The following RIPOR2 variants were observed in gnomAD, a reference collection of about 807,000 sequenced individuals.
RIPOR2 encodes rho family-interacting cell polarization regulator 2.
A neutral mutation model predicts 114.5 loss-of-function variants in RIPOR2; 39 were observed. The ratio of observed to expected loss-of-function variants is 0.34; its 90% CI spans 0.26 to 0.44. RIPOR2 has a LOEUF of 0.44. Ranked by LOEUF, RIPOR2 falls within the 20% of genes least tolerant of loss-of-function variation. The pLI, the probability that RIPOR2 is intolerant of heterozygous loss-of-function variation, is 1.00. For synonymous variants in RIPOR2, 445 were observed against 484.4 expected, an observed-to-expected ratio of 0.92 and a Z score of 1.07; for missense variants, 1,007 against 1,255.1, an observed-to-expected ratio of 0.80 and a Z score of 2.99.
Position 24,839,086 on chromosome 6 carries a change from C to T in RIPOR2, c.2039+5G>A. 1 of 1,550,228 alleles carries T rather than the reference C, an allele frequency of 6.5e-7. No homozygotes were observed. The highest frequency in any genetic ancestry group is 8.7e-7 in the Non-Finnish European group (1 of 1,145,868). On this transcript the variant is annotated splice_donor_5th_base_variant and intron_variant, in intron 14 of 21. Coordinates refer to ENST00000643898, the MANE Select transcript of RIPOR2 (RefSeq NM_001286445.3). ...AATATAAGGAGACACTAACTTCAGA[C>T]TTACCTGTGTTTCTCAGTCTCAGTG...
intron 1 of RIPOR2, among the ~76,000 whole-genome samples, chr6:25,011,852 G>A (rs1002207981): frequency 2.6e-5 from 4 of 152,056 alleles, no homozygotes; most frequent in African/African-American, 7.2e-5. Flanking sequence ...CAGTAAAAGC[G>A]TAAGTGACAA....
At chr6:24,823,810 C>A (rs991419671) in intron 19 of RIPOR2, among the ~76,000 whole-genome samples, 2 of 152,070 alleles carry the variant, frequency 1.3e-5, no homozygotes, top group African/African-American at 2.4e-5. Flanking sequence ...CAGCTGGAGT[C>A]CAGTGGCGCA....
At chr6:24,849,195 G>A (rs767110002) in intron 11 of RIPOR2, among the ~76,000 whole-genome samples, 2 of 152,140 alleles carry the variant, frequency 1.3e-5, no homozygotes, top group African/African-American at 2.4e-5. Flanking sequence ...GTGAGCCACC[G>A]CACCTGGAGC....
At position 24,861,049 on chromosome 6, in the gene RIPOR2, C is replaced by CAGGAGACGATCATG. The variant is rs1336869284; in HGVS notation, c.652-27_652-14dup. On this transcript the variant is annotated splice_polypyrimidine_tract_variant and intron_variant, in intron 7 of 21. Coordinates refer to ENST00000643898, the MANE Select transcript of RIPOR2 (RefSeq NM_001286445.3). ...TGGTGCACATATTCTGCAAAGAGGACAGGAGACGATCATGAGAGCTAGCCT... is the reference window on the plus strand; with the variant it reads ...TGGTGCACATATTCTGCAAAGAGGACAGGAGACGATCATGAGGAGACGATCATGAGAGCTAGCCT... The CAGGAGACGATCATG allele has an allele frequency of 6.3e-7, 1 of 1,599,862 alleles. No individual in the cohort carries two copies. Among genetic ancestry groups the CAGGAGACGATCATG allele is most frequent in the Non-Finnish European group, 8.6e-7 (1 of 1,169,032 alleles).
At chr6:25,016,689 G>A (rs1205602093) in intron 1 of RIPOR2, among the ~76,000 whole-genome samples, 1 of 152,172 alleles carries the variant, frequency 6.6e-6, no homozygotes, top group African/African-American at 2.4e-5. Flanking sequence ...TCCCTTAACT[G>A]ATTCATCACT....
intron 1 of RIPOR2, among the ~76,000 whole-genome samples, chr6:24,923,073 T>G (rs1251528271): frequency 6.6e-6 from 1 of 152,096 alleles, no homozygotes; most frequent in African/African-American, 2.4e-5. Flanking sequence ...CACCGTCTAT[T>G]TATTGTTTCT....
chr6:24,920,947 G>C (rs1336616581), intron 1 of RIPOR2, among the ~76,000 whole-genome samples: 1 of 152,160 alleles, frequency 6.6e-6, no homozygotes, highest in African/African-American at 2.4e-5. Flanking sequence ...TCTGGAATAT[G>C]TCAGTAGTCT....
At chr6:24,914,726 G>C (rs527737358) in intron 1 of RIPOR2, among the ~76,000 whole-genome samples, 1 of 152,238 alleles carries the variant, frequency 6.6e-6, no homozygotes, top group East Asian at 1.9e-4. Flanking sequence ...GGTTCTTACT[G>C]CCATCGATCA....
intron 1 of RIPOR2, among the ~76,000 whole-genome samples, chr6:24,916,369 T>G (rs1672656191): frequency 6.6e-6 from 1 of 152,232 alleles, no homozygotes; most frequent in Non-Finnish European, 1.5e-5. Context: ...CTTCCATTTG[T>G]TGTAGCTATT....
In RIPOR2 at chr6:24,828,301, C is replaced by T. The variant is rs144190405; in HGVS notation, c.2507-6G>A. 22,439 of 1,537,212 alleles carry T rather than the reference C, an allele frequency of 0.015. 229 individuals carry two copies. Among genetic ancestry groups the T allele is most frequent in the Middle Eastern group, 0.026 (155 of 5,912 alleles). On this transcript the variant is annotated splice_polypyrimidine_tract_variant and splice_region_variant and intron_variant, in intron 17 of 21. Transcript: ENST00000643898. ...GGACACCAGGGTTCGAAACACTATTCGGAAGGGAAAGACACAAAGCAGCTT... is the reference window on the plus strand; with the variant it reads ...GGACACCAGGGTTCGAAACACTATTTGGAAGGGAAAGACACAAAGCAGCTT...
At chr6:24,921,168 C>CT (rs369103949) in intron 1 of RIPOR2, among the ~76,000 whole-genome samples, 73 of 150,878 alleles carry the variant, frequency 4.8e-4, no homozygotes, top group African/African-American at 1.5e-3. Context: ...CTCTCTCTCT[C>CT]TTTTTTTTTG....
chr6:24,832,165 T>G lies in RIPOR2; in HGVS notation c.2344+91A>C, dbSNP rs1760739294. On this transcript the variant is annotated intron_variant, in intron 16 of 21. Coordinates refer to ENST00000643898, the MANE Select transcript of RIPOR2 (RefSeq NM_001286445.3). The stretch of plus-strand genomic sequence containing the variant: ...GTGACCTAAGAATGCTTTTCTGTTT[T>G]TCCAACAAAGCAATGAACATGCATA... The G allele has an allele frequency of 3.2e-6, 4 of 1,264,432 alleles. No homozygotes were observed. In the East Asian group the frequency reaches 1.0e-4, roughly 33 times the overall value. 78.3% of individuals were successfully genotyped at this position (1,264,432 alleles called of 1,614,324 possible).
intron 1 of RIPOR2, among the ~76,000 whole-genome samples, chr6:24,985,901 C>G (rs1774509887): frequency 6.6e-6 from 1 of 152,042 alleles, no homozygotes; most frequent in Admixed American, 6.6e-5. Context: ...TATAGAAAGA[C>G]TGGAATAAGG....
In RIPOR2 at chr6:25,022,532, A is replaced by ATTTTTTTTTTTTTTTTTTTTTTTTTTT. The variant is rs10564019; in HGVS notation, c.76+19292_76+19318dup. Among the ~76,000 whole-genome samples the ATTTTTTTTTTTTTTTTTTTTTTTTTTT allele has an allele frequency of 4.9e-5, 2 of 40,992 alleles. 1 individual carries two copies. The highest frequency in any genetic ancestry group is 9.7e-5 in the Non-Finnish European group (2 of 20,704). 26.9% of individuals were successfully genotyped at this position (40,992 alleles called of 152,430 possible). On this transcript the variant is annotated intron_variant, in intron 1 of 13. Transcript: ENST00000510784. ...ACATATAACTAATGTGGTACCTTCC[A>ATTTTTTTTTTTTTTTTTTTTTTTTTTT]TTTTTTTTTTTTTTTTTTTTTTTTT...
At chr6:24,928,355 T>C (rs781324754) in intron 1 of RIPOR2, among the ~76,000 whole-genome samples, 2 of 152,232 alleles carry the variant, frequency 1.3e-5, no homozygotes, top group African/African-American at 2.4e-5. Context: ...ATTCTACTAG[T>C]GTATTTTGCT....
intron 1 of RIPOR2, among the ~76,000 whole-genome samples, chr6:24,915,692 C>T (rs1770022144): frequency 1.3e-5 from 2 of 152,130 alleles, no homozygotes; most frequent in South Asian, 4.1e-4. Flanking sequence ...GATTTTCCAG[C>T]TTATGAAGTG....
chr6:24,933,147 T>C (rs1481429398), intron 1 of RIPOR2, among the ~76,000 whole-genome samples: 1 of 152,204 alleles, frequency 6.6e-6, no homozygotes, highest in African/African-American at 2.4e-5. Context: ...TGAAGTTCTG[T>C]AAATAAGTCC....
chr6:24,911,416 C>T (rs1433867526), intron 1 of RIPOR2, among the ~76,000 whole-genome samples: 1 of 151,618 alleles, frequency 6.6e-6, no homozygotes, highest in African/African-American at 2.4e-5. Flanking sequence ...TTCAGCTAAC[C>T]TTTTGGGATC....
chr6:24,899,898 A>G (rs1352991105), intron 1 of RIPOR2, among the ~76,000 whole-genome samples: 5 of 152,206 alleles, frequency 3.3e-5, no homozygotes, highest in African/African-American at 9.7e-5. Context: ...CTTGGAGAAA[A>G]AGTGCCCATT....
Sources: allele counts gnomAD v4.1 joint callset (sites outside exome capture counted in the v4.1 genomes callset), GRCh38; gene constraint gnomAD v4.1.1; transcripts MANE v1.5; gene names NCBI Gene and HGNC (gene_info 2026-07-23, HGNC 2026-07-21).